Variants in YIPF4 observed in about 807,000 individuals in gnomAD.
YIPF4 encodes the protein protein YIPF4.
In YIPF4, 18 loss-of-function variants were observed where a neutral mutation model predicts 29.4. That is an observed-to-expected ratio of 0.61 (90% CI 0.42 to 0.91). The LOEUF (loss-of-function observed/expected upper bound fraction) is 0.91, where lower values mean the gene tolerates loss of function less well. YIPF4 is among the 40% of genes least tolerant of loss of function. The pLI, the probability that YIPF4 is intolerant of heterozygous loss-of-function variation, is 0.00. For missense variants in YIPF4, 279 were observed against 282.7 expected, an observed-to-expected ratio of 0.99 and a Z score of 0.09; for synonymous variants, 115 against 104.7, an observed-to-expected ratio of 1.10 and a Z score of -0.60.
rs1369098417 is a variant in YIPF4, at chr2:32,306,665, A to G, written c.*1039A>G. 48 of 917,458 alleles carry G rather than the reference A, an allele frequency of 5.2e-5. No homozygotes were observed. Among genetic ancestry groups the G allele is most frequent in the Admixed American group, 6.2e-5 (1 of 16,162 alleles). 56.8% of individuals were successfully genotyped at this position (917,458 alleles called of 1,614,324 possible). On this transcript the variant is annotated 3_prime_UTR_variant, in exon 6 of 6. Coordinates refer to ENST00000238831, the MANE Select transcript of YIPF4 (RefSeq NM_032312.4). ...AAATGTACAGTTTTTGCTAAGGGAA[A>G]TATTAAGAAATTTTTATCAGTGAAA...
At chr2:32,284,857 C>A (rs1207371549) in intron 1 of YIPF4, among the ~76,000 whole-genome samples, 3 of 151,940 alleles carry the variant, frequency 2.0e-5, no homozygotes, top group African/African-American at 7.3e-5. Flanking sequence ...GTATAGAGTC[C>A]AGATTGAGAG....
In YIPF4 at chr2:32,312,487, C is replaced by CAAAAAAAAAAAAAAAA. The variant is rs35334643; in HGVS notation, c.*6878_*6893dup. The CAAAAAAAAAAAAAAAA allele has an allele frequency of 2.4e-4, 9 of 37,380 alleles. No individual in the cohort carries two copies. Among genetic ancestry groups the CAAAAAAAAAAAAAAAA allele is most frequent in the African/African-American group, 7.9e-4 (6 of 7,618 alleles). 2.3% of individuals were successfully genotyped at this position (37,380 alleles called of 1,614,324 possible). ...TGGGCGACAGAGCGAGAATCCGTCTCAAAAAAAAAAAAAAAAAAAAAAAAA... is the reference window on the plus strand; with the variant it reads ...TGGGCGACAGAGCGAGAATCCGTCTCAAAAAAAAAAAAAAAAAAAAAAAAAAAAAAAAAAAAAAAAA... On this transcript the variant is annotated 3_prime_UTR_variant, in exon 6 of 6. Coordinates refer to ENST00000238831, the MANE Select transcript of YIPF4 (RefSeq NM_032312.4).
chr2:32,285,955 T>G (rs1326511617), intron 1 of YIPF4, among the ~76,000 whole-genome samples: 1 of 152,230 alleles, frequency 6.6e-6, no homozygotes, highest in Non-Finnish European at 1.5e-5. Context: ...TACAATATGC[T>G]GGTGAAGTAT....
At chr2:32,297,583 C>T (rs1290446979) in intron 3 of YIPF4, among the ~76,000 whole-genome samples, 1 of 152,072 alleles carries the variant, frequency 6.6e-6, no homozygotes, top group Non-Finnish European at 1.5e-5. Context: ...GCCTGGGCAA[C>T]ATAGTGAGAC....
intron 1 of YIPF4, among the ~76,000 whole-genome samples, chr2:32,283,655 A>G (rs1037810953): frequency 2.0e-5 from 3 of 152,070 alleles, no homozygotes; most frequent in Admixed American, 2.0e-4. Flanking sequence ...CATAGAACCC[A>G]TGGTATAAAT....
chr2:32,309,779 C>G lies in YIPF4; in HGVS notation c.*4153C>G, dbSNP rs1018550391. ...TCTCAGCTCACTGCAACCTCTGATTCCTGGGTTCAAGCAATTCTCATGTCT... is the reference window on the plus strand; with the variant it reads ...TCTCAGCTCACTGCAACCTCTGATTGCTGGGTTCAAGCAATTCTCATGTCT... On this transcript the variant is annotated 3_prime_UTR_variant, in exon 6 of 6. Coordinates refer to ENST00000238831, the MANE Select transcript of YIPF4 (RefSeq NM_032312.4). 3 of 147,272 alleles carry G rather than the reference C, an allele frequency of 2.0e-5. No individual in the cohort carries two copies. The highest frequency in any genetic ancestry group is 7.6e-5 in the African/African-American group (3 of 39,568). 9.1% of individuals were successfully genotyped at this position (147,272 alleles called of 1,614,324 possible).
chr2:32,287,722 A>G (rs2148959899), intron 1 of YIPF4, among the ~76,000 whole-genome samples: 1 of 152,296 alleles, frequency 6.6e-6, no homozygotes, highest in Non-Finnish European at 1.5e-5. Context: ...TGGGTTTTCC[A>G]AAGGTGGCTT....
In YIPF4 at chr2:32,308,489, G is replaced by C. The variant is rs2031643492; in HGVS notation, c.*2863G>C. ...AGCAGTTTGGGAGGCCGAGGCAGGT[G>C]GATCACCTGAGGTTGGGAGTTTGAG... On this transcript the variant is annotated 3_prime_UTR_variant, in exon 6 of 6. Transcript: ENST00000238831. The C allele has an allele frequency of 6.6e-6, 1 of 152,458 alleles. No individual in the cohort carries two copies. Among genetic ancestry groups the C allele is most frequent in the African/African-American group, 2.4e-5 (1 of 41,388 alleles). The allele number at this position is 152,458 out of a possible 1,614,324, so 9.4% of individuals were successfully genotyped here. A position where few individuals can be genotyped will look rare whatever the true frequency, so the allele number is the denominator to read the frequency against.
chr2:32,309,681 C>CTTTTTT lies in YIPF4; in HGVS notation c.*4075_*4080dup, dbSNP rs200229465. ...TTTTAGGCTTTAGGGAATTGTGACC[C>CTTTTTT]TTTTTTTTTTTTTTTTTTTTTTTTT... is the stretch of plus-strand genomic sequence containing the variant. On this transcript the variant is annotated 3_prime_UTR_variant, in exon 6 of 6. Coordinates refer to ENST00000238831, the MANE Select transcript of YIPF4 (RefSeq NM_032312.4). The CTTTTTT allele has an allele frequency of 1.2e-4, 14 of 116,270 alleles. No homozygotes were observed. The highest frequency in any genetic ancestry group is 2.8e-4 in the East Asian group (1 of 3,606). The allele number at this position is 116,270 out of a possible 1,614,324, so 7.2% of individuals were successfully genotyped here.
At chr2:32,295,501 C>G (rs1027741013) in intron 3 of YIPF4, among the ~76,000 whole-genome samples, 2 of 152,236 alleles carry the variant, frequency 1.3e-5, no homozygotes, top group African/African-American at 4.8e-5. Context: ...GTTTCTTTCA[C>G]TTCCAGAGGC....
Position 32,301,445 on chromosome 2 carries a change from C to T in YIPF4, c.547C>T (p.Pro183Ser). The part of the protein sequence containing the change: ...YSLLPLIVIA[P>S]VLLVVGSFEV... ...ATTACTTCCTCTCATTGTAATAGCC[C>T]CTGTACTTTTGGTGGTTGGATCATT... Residue 183 changes from proline (P) to serine (S), a missense_variant, in exon 5 of 6, where the codon CCT becomes TCT. Coordinates refer to ENST00000238831, the MANE Select transcript of YIPF4 (RefSeq NM_032312.4). 1.2e-6 allele frequency: 2 copies of T among 1,613,664 alleles called. No homozygotes were observed. Among genetic ancestry groups the T allele is most frequent in the Non-Finnish European group, 1.7e-6 (2 of 1,179,804 alleles).
rs2031705609 is a variant in YIPF4, at chr2:32,310,938, T to G, written c.*5312T>G. The G allele has an allele frequency of 6.6e-6, 1 of 152,120 alleles. No individual in the cohort carries two copies. The highest frequency in any genetic ancestry group is 6.6e-5 in the Admixed American group (1 of 15,260). The allele number at this position is 152,120 out of a possible 1,614,324, so 9.4% of individuals were successfully genotyped here. A position where few individuals can be genotyped will look rare whatever the true frequency, so the allele number is the denominator to read the frequency against. On this transcript the variant is annotated 3_prime_UTR_variant, in exon 6 of 6. Transcript: ENST00000238831. ...ACCCGCACTATTCAAATTTGTGGTG[T>G]TCAAGGTTCAACTGTAATTTCCTAG... is the stretch of plus-strand genomic sequence containing the variant.
rs1297477517 is a variant in YIPF4, at chr2:32,308,724, C to G, written c.*3098C>G. The G allele has an allele frequency of 1.3e-5, 2 of 149,500 alleles. No homozygotes were observed. Among genetic ancestry groups the G allele is most frequent in the African/African-American group, 5.0e-5 (2 of 40,098 alleles). 9.3% of individuals were successfully genotyped at this position (149,500 alleles called of 1,614,324 possible). A position where few individuals can be genotyped will look rare whatever the true frequency, so the allele number is the denominator to read the frequency against. On this transcript the variant is annotated 3_prime_UTR_variant, in exon 6 of 6. Coordinates refer to ENST00000238831, the MANE Select transcript of YIPF4 (RefSeq NM_032312.4). The stretch of plus-strand genomic sequence containing the variant: ...GTGAAACTCCATCTCAAGAAAAACA[C>G]AAAATACAAAACAAAACAAAACAAA...
intron 3 of YIPF4, among the ~76,000 whole-genome samples, chr2:32,293,254 T>C (rs1001022686): frequency 1.3e-5 from 2 of 152,104 alleles, no homozygotes; most frequent in Non-Finnish European, 2.9e-5. Context: ...GCAGTGTTTG[T>C]GTCCCTGGGT....
At chr2:32,304,841 TTAAAAG>T (rs1439193007) in intron 5 of YIPF4, among the ~76,000 whole-genome samples, 1 of 152,208 alleles carries the variant, frequency 6.6e-6, no homozygotes, top group Non-Finnish European at 1.5e-5. Flanking sequence ...TAGAAATAAT[TTAAAAG>T]TATGTATGTA....
intron 1 of YIPF4, among the ~76,000 whole-genome samples, chr2:32,279,374 GAGAA>G (rs2030274852): frequency 6.7e-6 from 1 of 148,558 alleles, no homozygotes; most frequent in Admixed American, 6.7e-5. Flanking sequence ...ATTTCAGTCT[GAGAA>G]AGAACCTAGA....
chr2:32,294,927 C>T lies in YIPF4; in HGVS notation c.405+2579C>T, dbSNP rs186320976. ...CAAAAAAATACAAAAACCAGTCAGG[C>T]GTGGCGGCGTGCGCCTGCAATGGCA... On this transcript the variant is annotated intron_variant, in intron 3 of 5. Transcript: ENST00000238831. Among the ~76,000 whole-genome samples the T allele has an allele frequency of 2.1e-3, 317 of 152,246 alleles. 1 individual carries two copies. The highest frequency in any genetic ancestry group is 2.3e-3 in the Non-Finnish European group (155 of 68,022).
At chr2:32,300,449 A>AG in intron 4 of YIPF4, among the ~76,000 whole-genome samples, 1 of 151,282 alleles carries the variant, frequency 6.6e-6, no homozygotes, top group Non-Finnish European at 1.5e-5. Context: ...AAAAAAAAAA[A>AG]AAAAAAGAGT....
intron 4 of YIPF4, among the ~76,000 whole-genome samples, chr2:32,300,128 T>C (rs2031345048): frequency 6.6e-6 from 1 of 152,068 alleles, no homozygotes; most frequent in Non-Finnish European, 1.5e-5. Flanking sequence ...TAGCTGGATG[T>C]GGTGGCACAT....
Sources: allele counts gnomAD v4.1 joint callset (sites outside exome capture counted in the v4.1 genomes callset), GRCh38; gene constraint gnomAD v4.1.1; transcripts MANE v1.5; gene names NCBI Gene and HGNC (gene_info 2026-07-23, HGNC 2026-07-21).